Variants in PLAC1 observed in about 807,000 individuals in gnomAD.
The protein encoded by PLAC1 is placenta-specific protein 1.
For missense variants in PLAC1, 136 were observed against 163.2 expected, an observed-to-expected ratio of 0.83 and a Z score of 0.91; for synonymous variants, 68 against 62.1, an observed-to-expected ratio of 1.09 and a Z score of -0.44.
intron 2 of PLAC1, among the ~76,000 whole-genome samples, chrX:134,696,246 T>G (rs1257325116): frequency 9.0e-6 from 1 of 111,052 alleles, no homozygotes; most frequent in East Asian, 2.8e-4. Flanking sequence ...TGAGCACTCA[T>G]TTTGCATGGT....
intron 2 of PLAC1, among the ~76,000 whole-genome samples, chrX:134,718,137 G>A (rs767124075): frequency 8.9e-6 from 1 of 111,958 alleles, no homozygotes; most frequent in South Asian, 3.8e-4. Flanking sequence ...GTCAGAGCAA[G>A]TCTTAAATTC....
At chrX:134,680,086 C>T (rs916391437) in intron 2 of PLAC1, among the ~76,000 whole-genome samples, 2 of 111,880 alleles carry the variant, frequency 1.8e-5, no homozygotes, top group Non-Finnish European at 3.8e-5. Flanking sequence ...CATGCTACCA[C>T]CCTGAATCTT....
At chrX:134,674,425 G>A (rs894750172) in intron 2 of PLAC1, among the ~76,000 whole-genome samples, 2 of 112,098 alleles carry the variant, frequency 1.8e-5, no homozygotes, top group African/African-American at 6.5e-5. Context: ...GGGCAGGGAT[G>A]TTTCTATGTC....
chrX:134,694,613 T>C (rs1207603598), intron 2 of PLAC1, among the ~76,000 whole-genome samples: 1 of 112,069 alleles, frequency 8.9e-6, no homozygotes, highest in African/African-American at 3.2e-5. Flanking sequence ...ATTTGAAGCT[T>C]GAAAAAGTAA....
chrX:134,621,394 C>T (rs1054307215), intron 1 of PLAC1, among the ~76,000 whole-genome samples: 1 of 97,213 alleles, frequency 1.0e-5, no homozygotes, highest in Non-Finnish European at 2.0e-5. Flanking sequence ...TGCCGCGAGC[C>T]GAGATCGTGC....
chrX:134,569,849 G>A (rs765454400), intron 2 of PLAC1, among the ~76,000 whole-genome samples: 18 of 102,984 alleles, frequency 1.7e-4, no homozygotes, highest in African/African-American at 6.3e-4. Flanking sequence ...TATTTGAGAC[G>A]GAGTCTTGCT....
At chrX:134,610,266 G>A (rs889239799) in intron 1 of PLAC1, among the ~76,000 whole-genome samples, 4 of 111,407 alleles carry the variant, frequency 3.6e-5, no homozygotes, top group Non-Finnish European at 7.6e-5. Flanking sequence ...GTGAGCCACC[G>A]CACCTGGCTG....
At chrX:134,604,027 G>T (rs1312085610) in intron 1 of PLAC1, among the ~76,000 whole-genome samples, 1 of 112,566 alleles carries the variant, frequency 8.9e-6, no homozygotes, top group Non-Finnish European at 1.9e-5. Context: ...TGGAATGACA[G>T]TTAATTGGCA....
At chrX:134,703,028 A>G (rs1018991647) in intron 2 of PLAC1, among the ~76,000 whole-genome samples, 22 of 112,279 alleles carry the variant, frequency 2.0e-4, no homozygotes, top group African/African-American at 7.1e-4. Flanking sequence ...AAGGTGTTAA[A>G]TTGTGTATAG....
chrX:134,737,232 G>T (rs759165424), intron 1 of PLAC1, among the ~76,000 whole-genome samples: 1 of 112,320 alleles, frequency 8.9e-6, no homozygotes, highest in Non-Finnish European at 1.9e-5. Flanking sequence ...AACACTTGTC[G>T]TTGGAACACT....
chrX:134,613,477 C>A (rs1458563255), intron 1 of PLAC1, among the ~76,000 whole-genome samples: 1 of 110,744 alleles, frequency 9.0e-6, no homozygotes, highest in Admixed American at 9.7e-5. Flanking sequence ...TAAGTTAGGG[C>A]AGTGTCTATG....
At chrX:134,603,160 G>A (rs1342904478) in intron 1 of PLAC1, among the ~76,000 whole-genome samples, 1 of 97,913 alleles carries the variant, frequency 1.0e-5, no homozygotes, top group African/African-American at 3.7e-5. Context: ...ACTATCAGAT[G>A]AATTGCCAAC....
Position 134,566,171 on chromosome X carries a change from T to G in PLAC1, c.512A>C (p.Glu171Ala). ...GTGACAAGGGACCTGGGTATGCTCT[T>G]CTTCACTGAAGACACAAGGTGGACA... ...CDCPPCVFSE[E>A]EHTQVPCHQA... Residue 171 changes from glutamate (E) to alanine (A), a missense_variant, in exon 3 of 3, where the codon GAA (glutamate) becomes GCA (alanine). Coordinates refer to ENST00000359237, the MANE Select transcript of PLAC1 (RefSeq NM_021796.4). 8.3e-7 allele frequency: 1 copy of G among 1,211,754 alleles called. No homozygotes were observed. Among genetic ancestry groups the G allele is most frequent in the Admixed American group, 2.2e-5 (1 of 46,014 alleles).
chrX:134,616,255 T>A (rs1375334332), intron 1 of PLAC1, among the ~76,000 whole-genome samples: 2 of 111,745 alleles, frequency 1.8e-5, no homozygotes, highest in African/African-American at 6.5e-5. Flanking sequence ...GCGCTGGAGT[T>A]ACAGGCATGA....
intron 2 of PLAC1, among the ~76,000 whole-genome samples, chrX:134,592,450 C>T (rs2078042794): frequency 9.0e-6 from 1 of 111,286 alleles, no homozygotes; most frequent in South Asian, 3.8e-4. Context: ...ACATGTAAAT[C>T]AGTAGACTTT....
At chrX:134,677,915 G>A (rs2078480989) in intron 2 of PLAC1, among the ~76,000 whole-genome samples, 1 of 111,383 alleles carries the variant, frequency 9.0e-6, no homozygotes, top group African/African-American at 3.3e-5. Flanking sequence ...TGGAGGTGAT[G>A]AGAAATGGTC....
chrX:134,567,807 A>AGAGAGAGG (rs1266679174), intron 2 of PLAC1, among the ~76,000 whole-genome samples: 1 of 78,798 alleles, frequency 1.3e-5, no homozygotes, highest in Non-Finnish European at 2.3e-5. Flanking sequence ...AGAAAGAGAG[A>AGAGAGAGG]GAGAGAGGGA....
chrX:134,617,216 T>G (rs2078188012), intron 1 of PLAC1, among the ~76,000 whole-genome samples: 1 of 111,454 alleles, frequency 9.0e-6, no homozygotes, highest in Non-Finnish European at 1.9e-5. Context: ...CTCGAACTCC[T>G]GAACTCAAGT....
intron 2 of PLAC1, among the ~76,000 whole-genome samples, chrX:134,683,995 G>A (rs184766267): frequency 1.8e-4 from 20 of 112,013 alleles, no homozygotes; most frequent in Admixed American, 1.2e-3. Context: ...GGCTTGGAAC[G>A]CCCAGTCAGA....
Sources: allele counts gnomAD v4.1 joint callset (sites outside exome capture counted in the v4.1 genomes callset), GRCh38; gene constraint gnomAD v4.1.1; transcripts MANE v1.5; gene names NCBI Gene and HGNC (gene_info 2026-07-23, HGNC 2026-07-21).